CHTF18: variants seen among roughly 807,000 people sequenced by gnomAD.
CHTF18 encodes chromosome transmission fidelity protein 18 homolog.
CHTF18 carries 151 observed loss-of-function variants against 113.4 expected under a neutral mutation model. That is an observed-to-expected ratio of 1.33 (90% confidence interval 1.17 to 1.52). The LOEUF (loss-of-function observed/expected upper bound fraction) is 1.52. Among genes scored for constraint, CHTF18 ranks in the 40% most tolerant of loss-of-function variants. CHTF18 has a pLI of 0.00. For synonymous variants in CHTF18, 916 were observed against 598.8 expected, an observed-to-expected ratio of 1.53 and a Z score of -7.74; for missense variants, 1,982 against 1,381.6, an observed-to-expected ratio of 1.43 and a Z score of -6.89.
At position 796,008 on chromosome 16, in the gene CHTF18, T is replaced by C. The variant is rs777335459; in HGVS notation, c.2387T>C (p.Met796Thr). The C allele has an allele frequency of 1.2e-6, 2 of 1,607,652 alleles. No homozygotes were observed. Among genetic ancestry groups the C allele is most frequent in the East Asian group, 4.5e-5 (2 of 44,582 alleles). ...KQQLASLVGT[M>T]LAYSLTYRQE... ...CAGCTGGCCAGCCTGGTGGGCACGA[T>C]GCTCGCTTACAGCCTGACCTACCGC... The change falls in exon 18 of 22, where the codon ATG (methionine) becomes ACG (threonine). Residue 796 changes from methionine (M) to threonine (T), a missense_variant. By Grantham distance (81) the Met-to-Thr change is moderately conservative (BLOSUM62 -1). Coordinates refer to ENST00000262315, the MANE Select transcript of CHTF18 (RefSeq NM_022092.3).
intron 9 of CHTF18, 100 bp downstream of exon 9, chr16:792,048 G>A (rs1271731373): frequency 6.5e-7 from 1 of 1,545,568 alleles, no homozygotes; most frequent in Admixed American, 2.0e-5. Context: ...CCGTCTTGAG[G>A]GTGGTGGGGG....
chr16:794,005 G>T (rs1259909682), intron 14 of CHTF18, 49 bp from the exon 15 acceptor site: 10 of 1,582,072 alleles, frequency 6.3e-6, no homozygotes, highest in Non-Finnish European at 7.7e-6. Context: ...GGGTGGGGCT[G>T]CCTGTGCTTT....
rs949805401 is a variant in CHTF18, at chr16:793,858, C to G, written c.1803-196C>G. On this transcript the variant is annotated intron_variant, in intron 14 of 21. Coordinates refer to ENST00000262315, the MANE Select transcript of CHTF18 (RefSeq NM_022092.3). ...CTCCTCTCAGAGTGGGGCTCCTCGG[C>G]TTAAGGGAATGTTTCAGGGGGTTGA... 1.2e-5 allele frequency: 8 copies of G among 658,112 alleles called. No individual in the cohort carries two copies. The East Asian group carries it at 2.2e-4, about 18-fold the overall frequency. 40.8% of individuals were successfully genotyped at this position (658,112 alleles called of 1,614,324 possible).
chr16:796,445 C>T (rs117321812), intron 18 of CHTF18, among the ~76,000 whole-genome samples: 2,225 of 152,342 alleles, frequency 0.015, 24 homozygotes, highest in Middle Eastern at 0.041. Context: ...GCCCCAGCGA[C>T]GGCACCAACT....
At chr16:790,887 A>G in intron 7 of CHTF18, 1 of 1,431,976 alleles carries the variant, frequency 7.0e-7, no homozygotes, top group African/African-American at 1.4e-5. Flanking sequence ...GTGTCACCTG[A>G]TCCAAGTCTC....
rs1256422507 is a variant in CHTF18 at position 788,850 on chromosome 16, G to A, written c.91+75G>A. 42 of 1,511,054 alleles carry A rather than the reference G, an allele frequency of 2.8e-5. 1 individual carries two copies. 93.6% of individuals were successfully genotyped at this position (1,511,054 alleles called of 1,614,324 possible). The stretch of plus-strand genomic sequence containing the variant: ...GTGGCGACCTCGGGGAGGGCGTGCC[G>A]GGGGCCGAAGGGGCCTCCACGTCGC... On this transcript the variant is annotated intron_variant, in intron 1 of 21. Transcript: ENST00000262315.
rs952274456 is a variant in CHTF18 at position 789,483 on chromosome 16, A to C, written c.438-64A>C. The stretch of plus-strand genomic sequence containing the variant: ...GTTCCATGGCTGAGAGCAGTCTCGG[A>C]CACCCATATCCAAGGGTGACCCCAC... On this transcript the variant is annotated intron_variant, in intron 3 of 21. Coordinates refer to ENST00000262315, the MANE Select transcript of CHTF18 (RefSeq NM_022092.3). 3.9e-6 allele frequency: 6 copies of C among 1,543,196 alleles called. No individual in the cohort carries two copies. The African/African-American group carries it at 8.2e-5, about 21-fold the overall frequency.
Position 795,127 on chromosome 16 carries a change from T to C in CHTF18, c.1951-5T>C. Reference sequence around the variant, plus strand: ...AGGAGCTCAGGGGTTGCCGGCCGCCTGCAGGGCTTGTTTGACAACTTCCTG... The same window carrying C: ...AGGAGCTCAGGGGTTGCCGGCCGCCCGCAGGGCTTGTTTGACAACTTCCTG... On this transcript the variant is annotated splice_region_variant and splice_polypyrimidine_tract_variant and intron_variant, in intron 15 of 21. Transcript: ENST00000262315. The C allele has an allele frequency of 6.5e-7, 1 of 1,543,116 alleles. No individual in the cohort carries two copies. The highest frequency in any genetic ancestry group is 1.2e-5 in the South Asian group (1 of 83,678).
chr16:793,368 G>T (rs2042254803), intron 14 of CHTF18, 94 bp downstream of exon 14: 2 of 1,467,616 alleles, frequency 1.4e-6, no homozygotes, highest in Non-Finnish European at 1.8e-6. Flanking sequence ...CTTCGAGGCG[G>T]GGACTCAGTG....
At chr16:797,565 A>T in intron 20 of CHTF18, 129 bp from the exon 21 acceptor site, 1 of 929,230 alleles carries the variant, frequency 1.1e-6, no homozygotes, top group Non-Finnish European at 1.6e-6. Context: ...GGCCTGGGCC[A>T]GGTTCCGAAA....
rs2042222907 is a variant in CHTF18 at position 792,428 on chromosome 16, C to T, written c.1327-11C>T. ...GGCCTGGACTCACCGTGTCCTCTGA[C>T]CTCCCCCAAGGCCGCCATCAACGTC... On this transcript the variant is annotated splice_polypyrimidine_tract_variant and intron_variant, in intron 10 of 21. Transcript: ENST00000262315. 9 of 1,560,010 alleles carry T rather than the reference C, an allele frequency of 5.8e-6. 1 individual carries two copies. The highest frequency in any genetic ancestry group is 5.4e-5 in the African/African-American group (4 of 73,542).
rs368750084 is a variant in CHTF18 at position 790,258 on chromosome 16, G to A, written c.688G>A (p.Val230Ile). 8 of 1,606,816 alleles carry A rather than the reference G, an allele frequency of 5.0e-6. 1 individual carries two copies. The highest frequency in any genetic ancestry group is 1.6e-4 in the Middle Eastern group (1 of 6,078). Reference protein sequence around the residue: ...GVSLASLKKQVDGERRERLLQ... With the variant: ...GVSLASLKKQIDGERRERLLQ... ...GTCCTTAGCCTCCCTGAAGAAGCAG[G>A]TCGACGGCGAGGTAGGGGCTGCGGG... Residue 230 changes from valine to isoleucine, a missense_variant, in exon 5 of 22, where the codon GTC becomes ATC. Physicochemically the swap from Val to Ile is conservative, Grantham distance 29. Transcript: ENST00000262315.
rs562869799 is a variant in CHTF18 at position 796,884 on chromosome 16, G to C, written c.2601+23G>C. On this transcript the variant is annotated intron_variant, in intron 19 of 21. Coordinates refer to ENST00000262315, the MANE Select transcript of CHTF18 (RefSeq NM_022092.3). ...CAGGTGAGCCCACCCAGGCTCTGGAGCAGGTTGCAGTCTGGGCGTGCACCA... is the reference window on the plus strand; with the variant it reads ...CAGGTGAGCCCACCCAGGCTCTGGACCAGGTTGCAGTCTGGGCGTGCACCA... 3.2e-5 allele frequency: 50 copies of C among 1,574,900 alleles called. 1 individual carries two copies. The South Asian group carries it at 5.2e-4, about 16-fold the overall frequency.
chr16:795,205 G>C lies in CHTF18; in HGVS notation c.2024G>C (p.Trp675Ser). ...SLGAVCVALD[W>S]LAFDDLLAGA... ...GGTGCTGTGTGTGTGGCCCTCGACT[G>C]GCTGGCCTTCGATGACCTGCTGGCG... is the stretch of plus-strand genomic sequence containing the variant. The change falls in exon 16 of 22, where the codon TGG (tryptophan) becomes TCG (serine). Residue 675 changes from tryptophan (W) to serine (S), a missense_variant. By Grantham distance (177) the Trp-to-Ser change is radical. Transcript: ENST00000262315. 6.4e-7 allele frequency: 1 copy of C among 1,556,612 alleles called. No homozygotes were observed. Among genetic ancestry groups the C allele is most frequent in the Non-Finnish European group, 8.7e-7 (1 of 1,150,414 alleles).
At chr16:793,821 G>A (rs752873251) in intron 14 of CHTF18, 1 of 647,394 alleles carries the variant, frequency 1.5e-6, no homozygotes, top group South Asian at 1.8e-5. Context: ...ACCCCAGAGG[G>A]TCAGGGCAGG....
chr16:796,954 C>T lies in CHTF18; in HGVS notation c.2602-7C>T, dbSNP rs1167159236. The T allele has an allele frequency of 2.6e-6, 4 of 1,526,614 alleles. No individual in the cohort carries two copies. The highest frequency in any genetic ancestry group is 2.3e-5 in the East Asian group (1 of 42,556). The allele number at this position is 1,526,614 out of a possible 1,614,324, so 94.6% of individuals were successfully genotyped here. A position where few individuals can be genotyped will look rare whatever the true frequency, so the allele number is the denominator to read the frequency against. On this transcript the variant is annotated splice_polypyrimidine_tract_variant and splice_region_variant and intron_variant, in intron 19 of 21. Coordinates refer to ENST00000262315, the MANE Select transcript of CHTF18 (RefSeq NM_022092.3). ...TGGCCAGATCTCACAATGCCTGCTC[C>T]CTACAGGTGGATGGGAGCCCCCCAG...
Position 795,456 on chromosome 16 carries a change from C to T in CHTF18, c.2175+100C>T, listed in dbSNP as rs1297332317. 6.3e-6 allele frequency: 2 copies of T among 315,146 alleles called. 1 individual carries two copies. Among genetic ancestry groups the T allele is most frequent in the African/African-American group, 1.3e-4 (2 of 15,216 alleles). The allele number at this position is 315,146 out of a possible 1,614,324, so 19.5% of individuals were successfully genotyped here. A position where few individuals can be genotyped will look rare whatever the true frequency, so the allele number is the denominator to read the frequency against. ...GGCCCCGTGCCCGCCCCCCCAAACA[C>T]ACTGCCCGTGTGGCTGCCCCCGGCC... is the stretch of plus-strand genomic sequence containing the variant. On this transcript the variant is annotated intron_variant, in intron 16 of 21. Transcript: ENST00000262315.
At chr16:791,009 C>A in intron 7 of CHTF18, 152 bp from the exon 8 acceptor site, 1 of 1,471,202 alleles carries the variant, frequency 6.8e-7, no homozygotes, top group South Asian at 1.4e-5. Context: ...CTGGTGTGAG[C>A]CTTGCGGTCA....
Position 796,710 on chromosome 16 carries a change from T to C in CHTF18, c.2457-7T>C, listed in dbSNP as rs769733870. On this transcript the variant is annotated splice_polypyrimidine_tract_variant and splice_region_variant and intron_variant, in intron 18 of 21. Coordinates refer to ENST00000262315, the MANE Select transcript of CHTF18 (RefSeq NM_022092.3). ...GACCTGCCCTGGTGTCCCCCTGTGC[T>C]GAGCAGGAACGTGGAGGAACTCTGC... 1.9e-6 allele frequency: 3 copies of C among 1,595,864 alleles called. 1 individual carries two copies. In the South Asian group the frequency reaches 3.3e-5, roughly 18 times the overall value.
Sources: allele counts gnomAD v4.1 joint callset (sites outside exome capture counted in the v4.1 genomes callset), GRCh38; gene constraint gnomAD v4.1.1; transcripts MANE v1.5; gene names NCBI Gene and HGNC (gene_info 2026-07-23, HGNC 2026-07-21).